Variants in KALRN observed in about 807,000 individuals in gnomAD.
The protein encoded by KALRN is kalirin.
In KALRN, 70 loss-of-function variants were observed where a neutral mutation model predicts 353.7. That is an observed-to-expected ratio of 0.20 (90% CI 0.16 to 0.24). KALRN has a LOEUF of 0.24. KALRN is among the 10% of genes least tolerant of loss of function. The pLI, the probability that KALRN is intolerant of heterozygous loss-of-function variation, is 1.00. For synonymous variants in KALRN, 1,391 were observed against 1,434.8 expected, an observed-to-expected ratio of 0.97 and a Z score of 0.69; for missense variants, 2,791 against 3,756.7, an observed-to-expected ratio of 0.74 and a Z score of 6.72.
At chr3:124,433,649 A>G (rs183912032) in intron 16 of KALRN, among the ~76,000 whole-genome samples, 33 of 151,550 alleles carry the variant, frequency 2.2e-4, no homozygotes, top group African/African-American at 7.7e-4. Flanking sequence ...ATATATATGT[A>G]TCTCCTCAAG....
intron 57 of KALRN, among the ~76,000 whole-genome samples, chr3:124,709,660 A>G (rs1473177661): frequency 6.6e-6 from 1 of 152,242 alleles, no homozygotes; most frequent in Admixed American, 6.5e-5. Flanking sequence ...AATGGGAAAT[A>G]GAATAGGAAA....
At chr3:124,265,096 C>T in intron 4 of KALRN, among the ~76,000 whole-genome samples, 1 of 151,962 alleles carries the variant, frequency 6.6e-6, no homozygotes, top group Non-Finnish European at 1.5e-5. Flanking sequence ...ATATAACGAT[C>T]AAATCAGAGT....
chr3:124,545,971 T>C (rs2069590218), intron 33 of KALRN, among the ~76,000 whole-genome samples: 1 of 152,202 alleles, frequency 6.6e-6, no homozygotes, highest in Admixed American at 6.5e-5. Flanking sequence ...AGGAATTTTT[T>C]CCGTAAGTCG....
chr3:124,713,173 C>T, intron 58 of KALRN, 38 bp downstream of exon 58: 2 of 1,545,138 alleles, frequency 1.3e-6, no homozygotes, highest in Non-Finnish European at 1.8e-6. Context: ...TCGCCTGCAT[C>T]CATTTAGGTT....
intron 36 of KALRN, among the ~76,000 whole-genome samples, chr3:124,634,726 C>T (rs1027464153): frequency 2.6e-5 from 4 of 152,070 alleles, no homozygotes; most frequent in Non-Finnish European, 5.9e-5. Flanking sequence ...TTAAGTGTTG[C>T]TGATTCTCTT....
chr3:124,643,017 A>C (rs2082275709), intron 37 of KALRN, among the ~76,000 whole-genome samples: 1 of 151,836 alleles, frequency 6.6e-6, no homozygotes. Context: ...GGGTTTCTCC[A>C]TGTTGGTCAG....
At chr3:124,630,720 C>T (rs568453577) in intron 34 of KALRN, among the ~76,000 whole-genome samples, 15 of 152,174 alleles carry the variant, frequency 9.9e-5, no homozygotes, top group African/African-American at 2.9e-4. Flanking sequence ...TAGAGTTATA[C>T]GGAGAATGAA....
chr3:124,093,926 G>T (rs2061271161), intron 1 of KALRN, among the ~76,000 whole-genome samples: 1 of 152,156 alleles, frequency 6.6e-6, no homozygotes, highest in South Asian at 2.1e-4. Flanking sequence ...AAGTCCTGGG[G>T]ATAGAAAACC....
rs539793497 is a variant in KALRN, at chr3:124,113,508, G to A, written c.73+79695G>A. 1.2e-3 allele frequency among the ~76,000 whole-genome samples: 180 copies of A among 152,296 alleles called. 1 individual carries two copies. The highest frequency in any genetic ancestry group is 4.0e-3 in the African/African-American group (166 of 41,564). On this transcript the variant is annotated intron_variant, in intron 1 of 59. Transcript: ENST00000682506. ...TCAAAAGTTGAATTGGAAGAGAGTC[G>A]ATGACTAACTTCCATTTCTCTTGAA...
At chr3:124,564,192 G>C in intron 34 of KALRN, among the ~76,000 whole-genome samples, 1 of 113,424 alleles carries the variant, frequency 8.8e-6, no homozygotes, top group Non-Finnish European at 1.7e-5. Context: ...GCGACAGAGC[G>C]AAACTCCGTC....
intron 25 of KALRN, among the ~76,000 whole-genome samples, chr3:124,464,605 T>C (rs1274320032): frequency 1.3e-5 from 2 of 152,046 alleles, no homozygotes; most frequent in Non-Finnish European, 2.9e-5. Context: ...AGTTAGAATA[T>C]TATGAAGAAA....
At chr3:124,576,803 A>T (rs2074144946) in intron 34 of KALRN, among the ~76,000 whole-genome samples, 1 of 152,204 alleles carries the variant, frequency 6.6e-6, no homozygotes, top group African/African-American at 2.4e-5. Flanking sequence ...TTAAAATGCC[A>T]TCCCACATAG....
At chr3:124,311,291 C>T (rs2078244359) in intron 6 of KALRN, among the ~76,000 whole-genome samples, 8 of 151,810 alleles carry the variant, frequency 5.3e-5, no homozygotes, top group Admixed American at 4.6e-4. Flanking sequence ...AAAACCTGGT[C>T]TCTACTAAAA....
intron 1 of KALRN, among the ~76,000 whole-genome samples, chr3:124,127,278 C>A (rs7625371): frequency 0.013 from 1,921 of 152,222 alleles, 33 homozygotes; most frequent in African/African-American, 0.044. Flanking sequence ...TAGGAAGGCT[C>A]CAATTTATTC....
At chr3:124,519,099 T>C in intron 33 of KALRN, 1 of 985,892 alleles carries the variant, frequency 1.0e-6, no homozygotes, top group Non-Finnish European at 1.2e-6. Context: ...TTCAGGTTTT[T>C]CTAGCTCCTC....
At chr3:124,629,528 C>T (rs2080500410) in intron 34 of KALRN, among the ~76,000 whole-genome samples, 1 of 152,218 alleles carries the variant, frequency 6.6e-6, no homozygotes, top group African/African-American at 2.4e-5. Flanking sequence ...TCCAAAGGAT[C>T]TATTACTGGC....
At chr3:124,651,745 C>T (rs2083444376) in intron 38 of KALRN, among the ~76,000 whole-genome samples, 2 of 151,210 alleles carry the variant, frequency 1.3e-5, no homozygotes, top group African/African-American at 4.9e-5. Flanking sequence ...TCAAGGGATC[C>T]TCTCACCTCA....
At chr3:124,315,210 T>G (rs953760022) in intron 6 of KALRN, among the ~76,000 whole-genome samples, 2 of 152,202 alleles carry the variant, frequency 1.3e-5, no homozygotes, top group African/African-American at 4.8e-5. Flanking sequence ...TCCCTACTCC[T>G]TGCTCCCCAT....
At chr3:124,667,553 C>T (rs1380860394) in intron 47 of KALRN, among the ~76,000 whole-genome samples, 1 of 152,206 alleles carries the variant, frequency 6.6e-6, no homozygotes, top group South Asian at 2.1e-4. Context: ...CTTTTCACAG[C>T]TTCTGTAGTG....
Sources: allele counts gnomAD v4.1 joint callset (sites outside exome capture counted in the v4.1 genomes callset), GRCh38; gene constraint gnomAD v4.1.1; transcripts MANE v1.5; gene names NCBI Gene and HGNC (gene_info 2026-07-23, HGNC 2026-07-21).